Variants in LLGL2 observed in about 807,000 individuals in gnomAD.
The protein encoded by LLGL2 is LLGL scribble cell polarity complex component 2, also known as LLGL2, scribble cell polarity complex component.
LLGL2 carries 81 observed loss-of-function variants against 123.2 expected under a neutral mutation model. The observed-to-expected ratio is 0.66, with a 90% CI of 0.55 to 0.79. The LOEUF is 0.79. LLGL2 is among the 30% of genes least tolerant of loss of function. The probability of loss-of-function intolerance (pLI) is 0.00; values close to 1 mark genes in which losing one functional copy is unlikely to be tolerated. For missense variants in LLGL2, 1,273 were observed against 1,414.6 expected, an observed-to-expected ratio of 0.90 and a Z score of 1.61; for synonymous variants, 577 against 594.1, an observed-to-expected ratio of 0.97 and a Z score of 0.42.
At position 75,574,963 on chromosome 17, in the gene LLGL2, TGCACAG is replaced by T; in HGVS notation, c.*87_*92del. The T allele has an allele frequency of 6.3e-7, 1 of 1,595,072 alleles. No homozygotes were observed. Among genetic ancestry groups the T allele is most frequent in the Non-Finnish European group, 8.6e-7 (1 of 1,163,548 alleles). ...TCCCTGCCCCAACCGGAGAGGCCGGTGCACAGGGCCCCGCCAGGGGCTGGGGGCATC... is the reference window on the plus strand; with the variant it reads ...TCCCTGCCCCAACCGGAGAGGCCGGTGGCCCCGCCAGGGGCTGGGGGCATC... On this transcript the variant is annotated 3_prime_UTR_variant, in exon 26 of 26. Coordinates refer to ENST00000392550, the MANE Select transcript of LLGL2 (RefSeq NM_001031803.2).
chr17:75,563,615 G>A, intron 8 of LLGL2, 137 bp from the exon 9 acceptor site: 1 of 1,466,168 alleles, frequency 6.8e-7, no homozygotes. Context: ...AGTTTCTTGG[G>A]GAACTTCTCG....
chr17:75,554,568 C>T (rs1031659940), intron 2 of LLGL2, among the ~76,000 whole-genome samples: 9 of 148,696 alleles, frequency 6.1e-5, no homozygotes, highest in East Asian at 6.0e-4. Flanking sequence ...TACAGTGAAC[C>T]GAAATCATGC....
At chr17:75,563,494 C>G in intron 8 of LLGL2, 31 bp downstream of exon 8, 1 of 1,608,020 alleles carries the variant, frequency 6.2e-7, no homozygotes, top group South Asian at 1.1e-5. Flanking sequence ...GCAGGGCCCA[C>G]CCCCAGTGCC....
chr17:75,564,673 G>A lies in LLGL2; in HGVS notation c.1036+166G>A, dbSNP rs1209641375. On this transcript the variant is annotated intron_variant, in intron 10 of 25. Transcript: ENST00000392550. The surrounding 1 kb of genome is among the most constrained non-coding windows in gnomAD (Gnocchi z 4.9). ...AACCCAGGAGTTCAAGTCCAGCCTG[G>A]ACAACGTAGGGAGACCCTTGTCTCT... is the stretch of plus-strand genomic sequence containing the variant. 8.7e-7 allele frequency: 1 copy of A among 1,155,844 alleles called. No homozygotes were observed. The highest frequency in any genetic ancestry group is 1.7e-5 in the South Asian group (1 of 59,506). The allele number at this position is 1,155,844 out of a possible 1,614,324, so 71.6% of individuals were successfully genotyped here. A position where few individuals can be genotyped will look rare whatever the true frequency, so the allele number is the denominator to read the frequency against.
Position 75,559,444 on chromosome 17 carries a change from C to A in LLGL2, c.530+34C>A. 2.6e-6 allele frequency: 4 copies of A among 1,567,790 alleles called. No individual in the cohort carries two copies. Among genetic ancestry groups the A allele is most frequent in the Non-Finnish European group, 3.5e-6 (4 of 1,157,860 alleles). ...AGAGCCCAGCTGCTGTTAACTCCAT[C>A]CCCTCAAGTTAGGCATGGCTTCTCC... On this transcript the variant is annotated intron_variant, in intron 6 of 25. Coordinates refer to ENST00000392550, the MANE Select transcript of LLGL2 (RefSeq NM_001031803.2). This position sits in a 1 kb window ranked among gnomAD's most constrained non-coding sequence, Gnocchi z 4.6.
chr17:75,550,395 T>G (rs1357538420), intron 2 of LLGL2, among the ~76,000 whole-genome samples: 1 of 142,052 alleles, frequency 7.0e-6, no homozygotes, highest in African/African-American at 2.7e-5. Context: ...ACCACCTAAG[T>G]GATACAGACC....
At chr17:75,560,025 T>C (rs1239750103) in intron 6 of LLGL2, among the ~76,000 whole-genome samples, 1 of 152,154 alleles carries the variant, frequency 6.6e-6, no homozygotes, top group Admixed American at 6.5e-5. Context: ...CATGGTGGAA[T>C]GATCTGTGGT....
In LLGL2 at chr17:75,569,335, T is replaced by C; in HGVS notation, c.1581+10T>C. The C allele has an allele frequency of 6.2e-7, 1 of 1,608,106 alleles. No individual in the cohort carries two copies. Among genetic ancestry groups the C allele is most frequent in the Non-Finnish European group, 8.5e-7 (1 of 1,175,646 alleles). On this transcript the variant is annotated intron_variant, in intron 14 of 25. Coordinates refer to ENST00000392550, the MANE Select transcript of LLGL2 (RefSeq NM_001031803.2). ...AGGCACGGCAGGGCAGGTAGCAGGC[T>C]GGGCTGGGGAGGGGGAGCTGGGGAG... is the stretch of plus-strand genomic sequence containing the variant.
chr17:75,527,527 C>T (rs911154474), intron 1 of LLGL2, among the ~76,000 whole-genome samples: 7 of 152,038 alleles, frequency 4.6e-5, no homozygotes, highest in South Asian at 2.1e-4. Context: ...ATTAAAATGA[C>T]ACTACATTCA....
At chr17:75,569,391 A>T (rs2055592285) in intron 14 of LLGL2, 66 bp downstream of exon 14, 1 of 1,306,460 alleles carries the variant, frequency 7.7e-7, no homozygotes, top group East Asian at 2.3e-5. Context: ...CAGCAGGGAC[A>T]GGAGCCAACC....
At chr17:75,574,111 C>T (rs1436537610) in intron 22 of LLGL2, 102 bp from the exon 23 acceptor site, 1 of 1,539,034 alleles carries the variant, frequency 6.5e-7, no homozygotes, top group Non-Finnish European at 8.8e-7. Context: ...TTCCTTCCAG[C>T]CCTGGGCCCT....
intron 6 of LLGL2, among the ~76,000 whole-genome samples, chr17:75,560,984 A>C (rs1350436945): frequency 6.6e-6 from 1 of 152,006 alleles, no homozygotes. Flanking sequence ...GGTGCACGCC[A>C]TCACACCCGG....
intron 2 of LLGL2, among the ~76,000 whole-genome samples, chr17:75,546,906 G>A (rs1025610570): frequency 2.0e-5 from 3 of 152,138 alleles, no homozygotes; most frequent in East Asian, 1.9e-4. Flanking sequence ...AGCCTGGAGC[G>A]GCACGTGGGC....
In LLGL2 at chr17:75,559,568, T is replaced by C. The variant is rs1399140310; in HGVS notation, c.530+158T>C. 6.6e-6 allele frequency among the ~76,000 whole-genome samples: 1 copy of C among 152,236 alleles called. No homozygotes were observed. Among genetic ancestry groups the C allele is most frequent in the Non-Finnish European group, 1.5e-5 (1 of 68,042 alleles). ...TCTTGGCTTCCTACCTGTCACCTAC[T>C]GAGAACCTATTGGCCTGTCATAGGT... On this transcript the variant is annotated intron_variant, in intron 6 of 25. Coordinates refer to ENST00000392550, the MANE Select transcript of LLGL2 (RefSeq NM_001031803.2). This position sits in a 1 kb window ranked among gnomAD's most constrained non-coding sequence, Gnocchi z 4.6.
rs2055329783 is a variant in LLGL2 at position 75,563,796 on chromosome 17, A to G, written c.871A>G (p.Thr291Ala). 1 of 1,613,938 alleles carries G rather than the reference A, an allele frequency of 6.2e-7. No individual in the cohort carries two copies. Among genetic ancestry groups the G allele is most frequent in the Non-Finnish European group, 8.5e-7 (1 of 1,180,004 alleles). Residue 291 changes from threonine to alanine, a missense_variant, in exon 9 of 26, where the codon ACT (threonine) becomes GCT (alanine). Transcript: ENST00000392550. ...KAITRILWLT[T>A]RQGLPFTIFQ... Reference sequence around the variant, plus strand: ...GATTACCAGAATCCTCTGGCTGACCACTAGGCAGGGGTAGGTATCCATGCT... The same window carrying G: ...GATTACCAGAATCCTCTGGCTGACCGCTAGGCAGGGGTAGGTATCCATGCT...
At chr17:75,562,106 G>C (rs1248334800) in intron 6 of LLGL2, among the ~76,000 whole-genome samples, 1 of 150,086 alleles carries the variant, frequency 6.7e-6, no homozygotes, top group Non-Finnish European at 1.5e-5. Context: ...GCTGTTGGCT[G>C]TTGGTCCTGT....
rs898294830 is a variant in LLGL2, at chr17:75,564,970, C to T, written c.1036+463C>T. On this transcript the variant is annotated intron_variant, in intron 10 of 25. Coordinates refer to ENST00000392550, the MANE Select transcript of LLGL2 (RefSeq NM_001031803.2). The surrounding 1 kb of genome is among the most constrained non-coding windows in gnomAD (Gnocchi z 4.9). ...GGTGCAGTGTCATCAAGCCCTACAG[C>T]TCCTTTCTCTGCCTCCCTGCCACCC... Among the ~76,000 whole-genome samples the T allele has an allele frequency of 3.9e-5, 6 of 152,178 alleles. No homozygotes were observed. Among genetic ancestry groups the T allele is most frequent in the African/African-American group, 7.2e-5 (3 of 41,446 alleles).
intron 2 of LLGL2, among the ~76,000 whole-genome samples, chr17:75,548,898 G>A (rs541036933): frequency 6.6e-6 from 1 of 152,272 alleles, no homozygotes; most frequent in African/African-American, 2.4e-5. Context: ...AACGGTGCCT[G>A]ACACAGGTCG....
At chr17:75,542,086 G>A (rs62088544) in intron 1 of LLGL2, among the ~76,000 whole-genome samples, 20,758 of 151,692 alleles carry the variant, frequency 0.14, 1,600 homozygotes, top group Middle Eastern at 0.2. Flanking sequence ...TCCTCTGCCC[G>A]AAGACACCCC....
Sources: gnomAD v4.1 joint callset for allele counts (sites outside exome capture counted in the v4.1 genomes callset) on GRCh38, gnomAD v4.1.1 for gene constraint, Gnocchi (gnomAD v3.1) non-coding constraint, MANE v1.5 for transcripts, NCBI Gene and HGNC (gene_info 2026-07-23, HGNC 2026-07-21) for gene names.